The following DSTYK variants were observed in gnomAD, a reference collection of about 807,000 sequenced individuals.
The protein encoded by DSTYK is dual serine/threonine and tyrosine protein kinase.
A neutral mutation model predicts 98.7 loss-of-function variants in DSTYK; 34 were observed. The observed-to-expected ratio is 0.34, with a 90% CI of 0.26 to 0.46. DSTYK has a LOEUF of 0.46. Ranked by LOEUF, DSTYK falls within the 20% of genes least tolerant of loss-of-function variation. DSTYK has a pLI of 1.00. For missense variants in DSTYK, 962 were observed against 1,181.7 expected, an observed-to-expected ratio of 0.81 and a Z score of 2.73; for synonymous variants, 462 against 457.3, an observed-to-expected ratio of 1.01 and a Z score of -0.13.
Position 205,211,324 on chromosome 1 carries a change from C to A in DSTYK, c.212G>T (p.Gly71Val). ...HTCLSSLTGG[G>V]GAERGPAGDV... is the part of the protein sequence containing the mutation. ...GCCTGCAGGGCCGCGCTCGGCCCCGCCGCCGCCCGTGAGGGAGGAGAGACA... is the reference window on the plus strand; with the variant it reads ...GCCTGCAGGGCCGCGCTCGGCCCCGACGCCGCCCGTGAGGGAGGAGAGACA... Residue 71 changes from glycine (G) to valine (V), a missense_variant, in exon 1 of 13, where the codon GGC becomes GTC. By Grantham distance (109) the Gly-to-Val change is moderately radical. Around this residue, in one of 4 missense-constraint regions of DSTYK, gnomAD observed 168 missense variants for 120.0 expected, o/e 1.40. Transcript: ENST00000367162. 1 of 1,611,230 alleles carries A rather than the reference C, an allele frequency of 6.2e-7. No homozygotes were observed.
Position 205,160,112 on chromosome 1 carries a change from A to C in DSTYK, c.2105+2T>G, listed in dbSNP as rs773698198. The C allele has an allele frequency of 6.2e-7, 1 of 1,614,062 alleles. No individual in the cohort carries two copies. Among genetic ancestry groups the C allele is most frequent in the Non-Finnish European group, 8.5e-7 (1 of 1,179,932 alleles). ...ATAGAGATGAATGAGGCCAGGACCC[A>C]CCTCATATAGTGAAATTCCAAAGCC... On this transcript the variant is annotated splice_donor_variant, in intron 8 of 12. Coordinates refer to ENST00000367162, the MANE Select transcript of DSTYK (RefSeq NM_015375.3). LOFTEE classifies it high-confidence loss of function.
At chr1:205,179,419 G>A (rs893287958) in intron 2 of DSTYK, among the ~76,000 whole-genome samples, 1 of 152,022 alleles carries the variant, frequency 6.6e-6, no homozygotes, top group Non-Finnish European at 1.5e-5. Context: ...AGGAGATCAC[G>A]AGCATCCTGG....
At chr1:205,211,184 A>T (rs1659362374) in intron 1 of DSTYK, 87 bp downstream of exon 1, 1 of 1,475,252 alleles carries the variant, frequency 6.8e-7, no homozygotes, top group South Asian at 1.4e-5. Flanking sequence ...GCCCGAGAAG[A>T]CTCGGGCTTG....
intron 1 of DSTYK, among the ~76,000 whole-genome samples, chr1:205,188,047 C>T (rs1384228823): frequency 1.3e-5 from 2 of 152,116 alleles, no homozygotes; most frequent in Non-Finnish European, 2.9e-5. Context: ...GTTATTTCTA[C>T]CCAGAAATGT....
At chr1:205,173,771 C>T (rs1021170600) in intron 2 of DSTYK, among the ~76,000 whole-genome samples, 1 of 151,404 alleles carries the variant, frequency 6.6e-6, no homozygotes, top group African/African-American at 2.4e-5. Flanking sequence ...CAGGCTGGAG[C>T]GCAGTGGCAC....
rs1017083312 is a variant in DSTYK at position 205,150,073 on chromosome 1, G to T, written c.2467+607C>A. On this transcript the variant is annotated intron_variant, in intron 11 of 12. Transcript: ENST00000367162. The surrounding 1 kb of genome is among the most constrained non-coding windows in gnomAD (Gnocchi z 4.1). Reference sequence around the variant, plus strand: ...GACATAAAAATACATCATCGTCACAGAATTAAACAAAATATGTGAAAAACC... The same window carrying T: ...GACATAAAAATACATCATCGTCACATAATTAAACAAAATATGTGAAAAACC... 4.6e-5 allele frequency among the ~76,000 whole-genome samples: 7 copies of T among 152,200 alleles called. No homozygotes were observed. Among genetic ancestry groups the T allele is most frequent in the Middle Eastern group, 3.4e-3 (1 of 294 alleles).
chr1:205,164,010 C>T, intron 3 of DSTYK, 55 bp from the exon 4 acceptor site: 1 of 1,456,616 alleles, frequency 6.9e-7, no homozygotes, highest in Non-Finnish European at 9.6e-7. Flanking sequence ...GGCAGACACA[C>T]TAAATAAAGT....
chr1:205,201,456 G>A (rs1023197682), intron 1 of DSTYK, among the ~76,000 whole-genome samples: 9 of 143,242 alleles, frequency 6.3e-5, no homozygotes, highest in Non-Finnish European at 1.4e-4. Context: ...AGTCACCTAT[G>A]AAATGCATAT....
intron 2 of DSTYK, among the ~76,000 whole-genome samples, chr1:205,182,828 T>C (rs1359285803): frequency 5.3e-5 from 8 of 149,620 alleles, no homozygotes; most frequent in African/African-American, 2.0e-4. Flanking sequence ...AAAAGTTCCC[T>C]GAAGTAAACC....
chr1:205,163,713 C>A lies in DSTYK; in HGVS notation c.1557+10G>T, dbSNP rs1324303361. ...ATGACACGATGTCTTAAAAATCATT[C>A]TTTGTCTACCTGTTTGAGATAATTA... On this transcript the variant is annotated intron_variant, in intron 4 of 12. Transcript: ENST00000367162. 2 of 1,607,332 alleles carry A rather than the reference C, an allele frequency of 1.2e-6. No homozygotes were observed. The highest frequency in any genetic ancestry group is 4.5e-5 in the East Asian group (2 of 44,792).
chr1:205,162,285 C>A, intron 5 of DSTYK, 73 bp from the exon 6 acceptor site: 1 of 1,540,558 alleles, frequency 6.5e-7, no homozygotes, highest in Non-Finnish European at 8.8e-7. Context: ...AGTGTCCTTC[C>A]TTTTCTGGGT....
chr1:205,209,394 T>A (rs955173878), intron 1 of DSTYK, among the ~76,000 whole-genome samples: 1 of 152,186 alleles, frequency 6.6e-6, no homozygotes, highest in Non-Finnish European at 1.5e-5. Context: ...TCCCATCAGC[T>A]GTTTTCTGGT....
chr1:205,209,968 T>G (rs751536096), intron 1 of DSTYK, among the ~76,000 whole-genome samples: 2 of 152,012 alleles, frequency 1.3e-5, no homozygotes, highest in Non-Finnish European at 2.9e-5. Flanking sequence ...TGGCACAATC[T>G]CTGCTCACTG....
rs535260455 is a variant in DSTYK, at chr1:205,211,223, T to G, written c.265+48A>C. On this transcript the variant is annotated intron_variant, in intron 1 of 12. Transcript: ENST00000367162. ...TGCAGGGCAGGGGTGCGGTCCGTCC[T>G]CCGATTTGCCTCTCCTGCCCTCTCT... 6 of 1,537,868 alleles carry G rather than the reference T, an allele frequency of 3.9e-6. No individual in the cohort carries two copies. In the South Asian group the frequency reaches 6.2e-5, roughly 16 times the overall value.
At chr1:205,208,506 C>G (rs2102489841) in intron 1 of DSTYK, among the ~76,000 whole-genome samples, 1 of 152,296 alleles carries the variant, frequency 6.6e-6, no homozygotes, top group African/African-American at 2.4e-5. Flanking sequence ...TTAAAACCTA[C>G]AGGTTTGTTA....
chr1:205,194,710 A>G (rs965072458), intron 1 of DSTYK, among the ~76,000 whole-genome samples: 1 of 150,666 alleles, frequency 6.6e-6, no homozygotes, highest in African/African-American at 2.4e-5. Context: ...GACAGAGCTC[A>G]AAAAAAGAAA....
chr1:205,155,600 GTGAGT>G (rs1657533803), intron 10 of DSTYK, among the ~76,000 whole-genome samples: 1 of 151,622 alleles, frequency 6.6e-6, no homozygotes, highest in Non-Finnish European at 1.5e-5. Context: ...GGAGGTTACA[GTGAGT>G]TGAGATTGCG....
At chr1:205,204,184 A>G (rs931607753) in intron 1 of DSTYK, among the ~76,000 whole-genome samples, 1 of 152,218 alleles carries the variant, frequency 6.6e-6, no homozygotes, top group Non-Finnish European at 1.5e-5. Context: ...TCTCCCACTC[A>G]GTAAATGACA....
intron 1 of DSTYK, among the ~76,000 whole-genome samples, chr1:205,191,389 A>T (rs1397855802): frequency 6.6e-6 from 1 of 152,214 alleles, no homozygotes; most frequent in Non-Finnish European, 1.5e-5. Context: ...TGCAATATGG[A>T]AGTGGGAACA....
Sources: gnomAD v4.1 joint callset for allele counts (sites outside exome capture counted in the v4.1 genomes callset) on GRCh38, gnomAD v4.1.1 for gene constraint, gnomAD v4.1.1 regional missense constraint, Gnocchi (gnomAD v3.1) non-coding constraint, MANE v1.5 for transcripts, NCBI Gene and HGNC (gene_info 2026-07-23, HGNC 2026-07-21) for gene names.